Variants in SYNE2 observed in about 807,000 individuals in gnomAD.
The protein encoded by SYNE2 is spectrin repeat containing nuclear envelope protein 2, also known as nesprin-2.
Under a neutral mutation model 856.3 loss-of-function variants are expected in SYNE2, and 431 were observed. That is an observed-to-expected ratio of 0.50 (90% confidence interval 0.47 to 0.55). SYNE2 has a LOEUF of 0.55. Among genes scored for constraint, SYNE2 ranks in the 20% least tolerant of loss-of-function variants. The pLI, the probability that SYNE2 is intolerant of heterozygous loss-of-function variation, is 0.00. For synonymous variants in SYNE2, 2,923 were observed against 2,872.3 expected, an observed-to-expected ratio of 1.02 and a Z score of -0.56; for missense variants, 8,129 against 8,023.2, an observed-to-expected ratio of 1.01 and a Z score of -0.50.
intron 11 of SYNE2, among the ~76,000 whole-genome samples, chr14:63,975,368 T>C (rs137874633): frequency 3.3e-5 from 5 of 152,328 alleles, no homozygotes; most frequent in African/African-American, 4.8e-5. Context: ...GGTCTTACTC[T>C]GTCATCCAGG....
chr14:64,093,334 G>C lies in SYNE2; in HGVS notation c.11977-15G>C. ...ATTATGACAAAGATTCTTTTTTGTGGGGGTTATTTTATAGGTAGTCATAAA... is the reference window on the plus strand; with the variant it reads ...ATTATGACAAAGATTCTTTTTTGTGCGGGTTATTTTATAGGTAGTCATAAA... On this transcript the variant is annotated splice_polypyrimidine_tract_variant and intron_variant, in intron 60 of 115. Transcript: ENST00000555002. 6.2e-7 allele frequency: 1 copy of C among 1,613,164 alleles called. No individual in the cohort carries two copies.
At chr14:64,218,939 A>C (rs1029046449) in intron 109 of SYNE2, among the ~76,000 whole-genome samples, 8 of 152,194 alleles carry the variant, frequency 5.3e-5, no homozygotes, top group Non-Finnish European at 8.8e-5. Context: ...AAAATTCAGC[A>C]GGAACTGAAC....
intron 11 of SYNE2, among the ~76,000 whole-genome samples, chr14:63,969,959 A>T (rs2096453125): frequency 6.6e-6 from 1 of 151,994 alleles, no homozygotes; most frequent in African/African-American, 2.4e-5. Flanking sequence ...CTTCCTGAGG[A>T]CTTCTACCAT....
chr14:64,091,903 G>T (rs1164282680), intron 60 of SYNE2, among the ~76,000 whole-genome samples: 1 of 152,046 alleles, frequency 6.6e-6, no homozygotes, highest in Non-Finnish European at 1.5e-5. Flanking sequence ...GAAGAAAAAT[G>T]ACTATATGTT....
At chr14:64,141,073 T>C (rs1391091208) in intron 80 of SYNE2, among the ~76,000 whole-genome samples, 1 of 152,172 alleles carries the variant, frequency 6.6e-6, no homozygotes, top group African/African-American at 2.4e-5. Flanking sequence ...CATAGTTTAT[T>C]GTAAAACTTA....
At chr14:63,846,082 C>T (rs1890220991) in intron 1 of SYNE2, among the ~76,000 whole-genome samples, 1 of 141,640 alleles carries the variant, frequency 7.1e-6, no homozygotes, top group African/African-American at 2.6e-5. Context: ...AAGGTTCTGG[C>T]TCTGTTGCCC....
chr14:64,211,883 GC>G, intron 103 of SYNE2, 77 bp from the exon 104 acceptor site: 1 of 1,605,952 alleles, frequency 6.2e-7, no homozygotes, highest in South Asian at 1.1e-5. Context: ...TTTTCTTGTG[GC>G]CGAAGGTGGC....
rs2096356491 is a variant in SYNE2 at position 63,963,996 on chromosome 14, A to G, written c.986A>G (p.Tyr329Cys). 2.6e-6 allele frequency: 4 copies of G among 1,560,916 alleles called. No individual in the cohort carries two copies. Among genetic ancestry groups the G allele is most frequent in the Non-Finnish European group, 3.5e-6 (4 of 1,132,878 alleles). Residue 329 changes from tyrosine to cysteine, a missense_variant, in exon 10 of 116, where the codon TAT becomes TGT. Tyr to Cys is a radical substitution (Grantham distance 194). Coordinates refer to ENST00000555002, the MANE Select transcript of SYNE2 (RefSeq NM_182914.3). Reference sequence around the variant, plus strand: ...GAGAATGATACCTACTTTAAAAAGTATAATGTAAGTATGATTTTAAACAGC... The same window carrying G: ...GAGAATGATACCTACTTTAAAAAGTGTAATGTAAGTATGATTTTAAACAGC... ...DSENDTYFKKYNSLLSFMESF... is the reference protein window; with the variant it reads ...DSENDTYFKKCNSLLSFMESF...
At chr14:64,206,575 T>TA (rs1419391769) in intron 100 of SYNE2, among the ~76,000 whole-genome samples, 6 of 151,896 alleles carry the variant, frequency 4.0e-5, no homozygotes, top group Non-Finnish European at 7.4e-5. Context: ...TTTTTTTTTT[T>TA]AACCAAGATG....
intron 7 of SYNE2, among the ~76,000 whole-genome samples, chr14:63,950,683 G>T (rs1566890615): frequency 1.3e-5 from 2 of 152,134 alleles, no homozygotes; most frequent in African/African-American, 2.4e-5. Flanking sequence ...CTGAGACAGG[G>T]TCTCACTTTG....
chr14:63,762,395 A>C (rs1361502710), intron 1 of SYNE2, among the ~76,000 whole-genome samples: 3 of 146,910 alleles, frequency 2.0e-5, no homozygotes, highest in Non-Finnish European at 4.5e-5. Context: ...AGACCGTGCC[A>C]TTGCACTCCA....
chr14:64,152,752 C>A, intron 85 of SYNE2, 36 bp downstream of exon 85: 1 of 1,612,636 alleles, frequency 6.2e-7, no homozygotes, highest in Non-Finnish European at 8.5e-7. Flanking sequence ...TATTTCTCTT[C>A]ACATATTCTT....
intron 2 of SYNE2, among the ~76,000 whole-genome samples, chr14:63,909,708 G>A (rs2095449976): frequency 6.6e-6 from 1 of 152,164 alleles, no homozygotes. Flanking sequence ...AGGTGTTGTG[G>A]CACATGTCTG....
chr14:63,824,957 C>A (rs1255766244), intron 1 of SYNE2, among the ~76,000 whole-genome samples: 13 of 151,926 alleles, frequency 8.6e-5, no homozygotes, highest in South Asian at 4.2e-4. Flanking sequence ...CACAGTGAAA[C>A]CCCATCTCTA....
chr14:64,189,985 T>C (rs989798075), intron 98 of SYNE2, 86 bp from the exon 99 acceptor site: 2 of 1,426,702 alleles, frequency 1.4e-6, no homozygotes, highest in Admixed American at 3.9e-5. Context: ...TTTTTTTAAT[T>C]TCAAGAGGTA....
At chr14:63,850,527 G>C (rs1011041102), upstream of SYNE2, among the ~76,000 whole-genome samples, 2 of 152,070 alleles carry the variant, frequency 1.3e-5, no homozygotes, top group African/African-American at 4.8e-5. Context: ...GCCCAGGGTT[G>C]TGTTTTAAAA....
chr14:63,766,081 ATT>A (rs543776173), intron 1 of SYNE2, among the ~76,000 whole-genome samples: 3,681 of 138,556 alleles, frequency 0.027, 65 homozygotes, highest in Admixed American at 0.039. Flanking sequence ...TCTTGAGTGG[ATT>A]TTTTTTTTTT....
At chr14:63,964,767 A>AG in intron 10 of SYNE2, among the ~76,000 whole-genome samples, 1 of 151,682 alleles carries the variant, frequency 6.6e-6, no homozygotes, top group African/African-American at 2.4e-5. Context: ...CAGGTGATTC[A>AG]CCTGCCTCGG....
At chr14:64,173,403 G>T (rs183540086) in intron 94 of SYNE2, among the ~76,000 whole-genome samples, 126 of 152,260 alleles carry the variant, frequency 8.3e-4, no homozygotes, top group African/African-American at 3.0e-3. Flanking sequence ...TCCAGTTGCT[G>T]TTTCTCTTAT....
Sources: gnomAD v4.1 joint callset for allele counts (sites outside exome capture counted in the v4.1 genomes callset) on GRCh38, gnomAD v4.1.1 for gene constraint, MANE v1.5 for transcripts, NCBI Gene and HGNC (gene_info 2026-07-23, HGNC 2026-07-21) for gene names.